Variants in TTC6 observed in about 807,000 individuals in gnomAD.
TTC6 encodes the protein tetratricopeptide repeat protein 6.
Under a neutral mutation model 210.4 loss-of-function variants are expected in TTC6, and 172 were observed. The ratio of observed to expected loss-of-function variants is 0.82; its 90% confidence interval spans 0.72 to 0.93. TTC6 has a LOEUF of 0.93. Ranked by LOEUF, TTC6 falls within the 40% of genes least tolerant of loss-of-function variation. The pLI is 0.00. For missense variants in TTC6, 2,414 were observed against 2,318.1 expected, an observed-to-expected ratio of 1.04 and a Z score of -0.85; for synonymous variants, 804 against 819.6, an observed-to-expected ratio of 0.98 and a Z score of 0.32.
intron 6 of TTC6, among the ~76,000 whole-genome samples, chr14:37,718,165 C>A (rs2138783756): frequency 6.6e-6 from 1 of 152,266 alleles, no homozygotes; most frequent in South Asian, 2.1e-4. Flanking sequence ...TTATAAAAAT[C>A]CTTGACAAAT....
intron 3 of TTC6, among the ~76,000 whole-genome samples, chr14:37,691,326 T>TCAAA (rs748441226): frequency 2.5e-4 from 38 of 152,002 alleles, no homozygotes; most frequent in African/African-American, 8.2e-4. Context: ...CAATACTCTG[T>TCAAA]CAAACAAACA....
At chr14:37,731,977 G>A (rs1278480602) in intron 7 of TTC6, among the ~76,000 whole-genome samples, 1 of 151,750 alleles carries the variant, frequency 6.6e-6, no homozygotes, top group African/African-American at 2.4e-5. Flanking sequence ...TATCATTTCT[G>A]TTGTAAAAGT....
intron 2 of TTC6, among the ~76,000 whole-genome samples, 172 bp downstream of exon 4, chr14:37,680,433 C>T (rs944270635): frequency 1.3e-5 from 2 of 152,076 alleles, no homozygotes; most frequent in African/African-American, 4.8e-5. Context: ...GCCATTTTGG[C>T]TCACTGTTGC....
chr14:37,817,567 C>A lies in TTC6; in HGVS notation c.4690-11C>A. On this transcript the variant is annotated splice_polypyrimidine_tract_variant and intron_variant, in intron 25 of 30. Transcript: ENST00000553443. ...TTGCAAAATTAACAAAAGCTTATAA[C>A]ATTATTTCAGGATTTTAAACAAGCT... 5.0e-6 allele frequency: 8 copies of A among 1,612,178 alleles called. No homozygotes were observed. The highest frequency in any genetic ancestry group is 6.8e-6 in the Non-Finnish European group (8 of 1,179,276).
chr14:37,811,192 G>A (rs997124583), intron 24 of TTC6, among the ~76,000 whole-genome samples: 2 of 152,162 alleles, frequency 1.3e-5, no homozygotes, highest in African/African-American at 4.8e-5. Flanking sequence ...AGATTCAGCT[G>A]CTTAGTGGAT....
chr14:37,641,230 C>T (rs2095691187), intron 1 of TTC6, among the ~76,000 whole-genome samples: 1 of 152,096 alleles, frequency 6.6e-6, no homozygotes, highest in African/African-American at 2.4e-5. Flanking sequence ...CTGAAAAGTA[C>T]AGTATTTGGT....
intron 29 of TTC6, among the ~76,000 whole-genome samples, chr14:37,828,885 T>G (rs1335783973): frequency 1.3e-5 from 2 of 152,052 alleles, no homozygotes; most frequent in Non-Finnish European, 2.9e-5. Context: ...TATCCTGTTA[T>G]TTGAGGGTTC....
At chr14:37,735,723 T>C (rs567248392) in intron 7 of TTC6, among the ~76,000 whole-genome samples, 198 bp from the exon 10 acceptor site, 1 of 152,292 alleles carries the variant, frequency 6.6e-6, no homozygotes, top group South Asian at 2.1e-4. Context: ...GAAGCCAAAT[T>C]GCAGGTTTTG....
chr14:37,597,539 AT>A (rs1440396706), intron 1 of TTC6, among the ~76,000 whole-genome samples: 1 of 71,744 alleles, frequency 1.4e-5, no homozygotes, highest in African/African-American at 6.4e-5. Flanking sequence ...TAAGTCTCAT[AT>A]TTTCAAAAAA....
At chr14:37,792,071 T>C (rs1353973506) in intron 16 of TTC6, among the ~76,000 whole-genome samples, 193 bp from the exon 19 acceptor site, 2 of 152,190 alleles carry the variant, frequency 1.3e-5, no homozygotes, top group Non-Finnish European at 2.9e-5. Flanking sequence ...ATTAATTCCT[T>C]ACTAAGGGTT....
Position 37,792,408 on chromosome 14 carries a change from T to G in TTC6, c.3702T>G (p.Tyr1234Ter). 6.6e-7 allele frequency: 1 copy of G among 1,504,616 alleles called. No homozygotes were observed. The highest frequency in any genetic ancestry group is 8.8e-7 in the Non-Finnish European group (1 of 1,135,940). 93.2% of individuals were successfully genotyped at this position (1,504,616 alleles called of 1,614,324 possible). Residue 1234 changes from tyrosine (Y) to a stop codon, truncating the protein, a stop_gained, in exon 17 of 31, where the codon TAT (tyrosine) becomes TAG (stop). Coordinates refer to ENST00000553443, the Ensembl canonical transcript of TTC6. LOFTEE classifies it high-confidence loss of function. ...GCTATCTTTGTCGGGCGGAAACCTA[T>G]TTTAAGGTATTTAAGGCTCGAGAAC...
intron 1 of TTC6, among the ~76,000 whole-genome samples, chr14:37,629,261 T>C (rs530506045): frequency 6.6e-6 from 1 of 152,304 alleles, no homozygotes; most frequent in South Asian, 2.1e-4. Context: ...TTCCATTTGT[T>C]TGTGTCCTCT....
At chr14:37,698,148 T>C (rs1249001992) in intron 4 of TTC6, among the ~76,000 whole-genome samples, 1 of 152,162 alleles carries the variant, frequency 6.6e-6, no homozygotes, top group Non-Finnish European at 1.5e-5. Context: ...AATTATATAA[T>C]AAAAGAGAAT....
At chr14:37,731,783 ATTC>A (rs1468455610) in intron 7 of TTC6, among the ~76,000 whole-genome samples, 3 of 152,156 alleles carry the variant, frequency 2.0e-5, no homozygotes, top group Non-Finnish European at 4.4e-5. Flanking sequence ...ACCTTTCTGT[ATTC>A]TTATATTTTA....
At chr14:37,646,345 A>AAACCG (rs980669758) in intron 1 of TTC6, among the ~76,000 whole-genome samples, 4 of 152,110 alleles carry the variant, frequency 2.6e-5, no homozygotes, top group African/African-American at 9.7e-5. Context: ...AAACCAAACC[A>AAACCG]AACCAAACCA....
At chr14:37,675,935 G>T (rs2095768264) in intron 1 of TTC6, among the ~76,000 whole-genome samples, 1 of 151,808 alleles carries the variant, frequency 6.6e-6, no homozygotes. Context: ...ATGAAAATTT[G>T]TTGTCTATCT....
exon 18 of TTC6, chr14:37,795,341 A>G: frequency 6.6e-7 from 1 of 1,526,194 alleles, no homozygotes; most frequent in Middle Eastern, 1.7e-4. Flanking sequence ...GAATCCAATT[A>G]TACATAAGAA....
intron 1 of TTC6, among the ~76,000 whole-genome samples, chr14:37,639,859 C>G (rs1373411119): frequency 1.3e-5 from 2 of 148,178 alleles, no homozygotes; most frequent in Non-Finnish European, 3.0e-5. Context: ...GCACTCCAAC[C>G]TGGGTGACAG....
At chr14:37,769,749 A>T (rs1209654620) in intron 14 of TTC6, among the ~76,000 whole-genome samples, 13 of 151,552 alleles carry the variant, frequency 8.6e-5, no homozygotes, top group Admixed American at 5.9e-4. Flanking sequence ...CTTTCAAAAA[A>T]CCAGCTCCTG....
Sources: gnomAD v4.1 joint callset for allele counts (sites outside exome capture counted in the v4.1 genomes callset) on GRCh38, gnomAD v4.1.1 for gene constraint, MANE v1.5 for transcripts, NCBI Gene and HGNC (gene_info 2026-07-23, HGNC 2026-07-21) for gene names.